MARCHF1: variants seen among roughly 807,000 people sequenced by gnomAD.
MARCHF1 encodes membrane associated ring-CH-type finger 1, also known as E3 ubiquitin-protein ligase MARCHF1.
MARCHF1 carries 40 observed loss-of-function variants against 54.2 expected under a neutral mutation model. That is an observed-to-expected ratio of 0.74 (90% CI 0.57 to 0.96). MARCHF1 has a LOEUF of 0.96. MARCHF1 is among the 40% of genes least tolerant of loss of function. MARCHF1 has a pLI of 0.00. For synonymous variants in MARCHF1, 236 were observed against 236.3 expected (o/e 1.00, Z 0.01); for missense variants, 586 against 656.5 (o/e 0.89, Z 1.17).
chr4:164,213,684 A>T (rs1258983505), intron 1 of MARCHF1, among the ~76,000 whole-genome samples: 1 of 152,172 alleles, frequency 6.6e-6, no homozygotes, highest in Non-Finnish European at 1.5e-5. Context: ...TTTAAAATGT[A>T]TCTATTATAA....
chr4:164,205,728 T>TAA (rs557433360), intron 1 of MARCHF1, among the ~76,000 whole-genome samples: 5 of 147,800 alleles, frequency 3.4e-5, no homozygotes, highest in African/African-American at 1.2e-4. Flanking sequence ...GTTGTCTATT[T>TAA]AAAAAAAAAA....
intron 1 of MARCHF1, among the ~76,000 whole-genome samples, chr4:164,262,660 C>G (rs1302589210): frequency 6.6e-6 from 1 of 152,200 alleles, no homozygotes; most frequent in Non-Finnish European, 1.5e-5. Context: ...GAGTCACTCA[C>G]TTAAATGGTT....
chr4:164,041,881 G>A (rs967051277), intron 2 of MARCHF1, among the ~76,000 whole-genome samples: 2 of 152,018 alleles, frequency 1.3e-5, no homozygotes, highest in Non-Finnish European at 2.9e-5. Flanking sequence ...AGAACACTAA[G>A]TAATCTCATT....
Position 164,007,301 on chromosome 4 carries a change from G to A in MARCHF1, c.-247-18592C>T, listed in dbSNP as rs193228094. On this transcript the variant is annotated intron_variant, in intron 2 of 9. Transcript: ENST00000514618. Reference sequence around the variant, plus strand: ...GCAGATCTGGCAGTGAGCTGAGATCGTGCTACTGCACTCCAGCCTGGGCGA... The same window carrying A: ...GCAGATCTGGCAGTGAGCTGAGATCATGCTACTGCACTCCAGCCTGGGCGA... 6.1e-3 allele frequency among the ~76,000 whole-genome samples: 836 copies of A among 136,232 alleles called. 6 individuals are homozygous for A. Among genetic ancestry groups the A allele is most frequent in the African/African-American group, 0.022 (777 of 35,808 alleles). The allele number at this position is 136,232 out of a possible 152,430, so 89.4% of individuals were successfully genotyped here.
intron 5 of MARCHF1, among the ~76,000 whole-genome samples, chr4:163,674,155 T>G (rs545980056): frequency 1.3e-5 from 2 of 152,240 alleles, no homozygotes; most frequent in East Asian, 3.9e-4. Flanking sequence ...TGGAAGATAG[T>G]TATTTATGAA....
intron 1 of MARCHF1, among the ~76,000 whole-genome samples, chr4:164,332,439 T>C (rs537956763): frequency 2.6e-5 from 4 of 152,316 alleles, no homozygotes; most frequent in Middle Eastern, 3.4e-3. Flanking sequence ...TCTGAGAGAA[T>C]AGAATATTGT....
intron 3 of MARCHF1, among the ~76,000 whole-genome samples, chr4:163,891,617 C>T (rs1277189300): frequency 6.6e-6 from 1 of 152,108 alleles, no homozygotes; most frequent in Non-Finnish European, 1.5e-5. Flanking sequence ...CTTTCTGATG[C>T]ATTCCCATCA....
Position 164,018,062 on chromosome 4 carries a change from A to AT in MARCHF1, c.-247-29354dup, listed in dbSNP as rs557050914. On this transcript the variant is annotated intron_variant, in intron 2 of 9. Coordinates refer to ENST00000514618, the MANE Select transcript of MARCHF1 (RefSeq NM_001394959.1). Reference sequence around the variant, plus strand: ...GATAATTCATCAAAAATAATTATATATTTTTTAAACCAAATGATCTGGTAA... The same window carrying AT: ...GATAATTCATCAAAAATAATTATATATTTTTTTAAACCAAATGATCTGGTAA... Among the ~76,000 whole-genome samples, 96 of 152,060 alleles carry AT rather than the reference A, an allele frequency of 6.3e-4. 1 individual carries two copies. The Middle Eastern group carries it at 0.01, about 16-fold the overall frequency.
chr4:164,341,278 A>C (rs1243261215), intron 1 of MARCHF1, among the ~76,000 whole-genome samples: 1 of 105,312 alleles, frequency 9.5e-6, no homozygotes, highest in Non-Finnish European at 2.1e-5. Flanking sequence ...AAAAGCAAAA[A>C]CAAAAAAAAA....
intron 8 of MARCHF1, among the ~76,000 whole-genome samples, chr4:163,571,233 C>G (rs1319647977): frequency 6.6e-6 from 1 of 152,034 alleles, no homozygotes; most frequent in Non-Finnish European, 1.5e-5. Context: ...GAATTATTCC[C>G]CATACCACTT....
At chr4:164,170,263 G>A (rs569409709) in intron 1 of MARCHF1, among the ~76,000 whole-genome samples, 214 of 152,156 alleles carry the variant, frequency 1.4e-3, no homozygotes, top group Non-Finnish European at 2.4e-3. Context: ...TGGACACAGA[G>A]CTTTAGCATA....
chr4:164,296,912 A>G (rs72989570), intron 1 of MARCHF1, among the ~76,000 whole-genome samples: 6,998 of 152,284 alleles, frequency 0.046, 446 homozygotes, highest in African/African-American at 0.14. Context: ...TGGGATATCT[A>G]TCAAGGAGGT....
At chr4:164,244,630 A>G (rs939395257) in intron 1 of MARCHF1, among the ~76,000 whole-genome samples, 3 of 149,308 alleles carry the variant, frequency 2.0e-5, no homozygotes, top group African/African-American at 7.4e-5. Context: ...AAGGAAATAG[A>G]GACACAAAAA....
chr4:163,589,164 T>C (rs1470668878), intron 7 of MARCHF1, among the ~76,000 whole-genome samples: 4 of 152,090 alleles, frequency 2.6e-5, no homozygotes, highest in Non-Finnish European at 5.9e-5. Flanking sequence ...AAAAAGATTT[T>C]GCAGCTCTGA....
chr4:164,103,778 A>T (rs879778816), intron 2 of MARCHF1, among the ~76,000 whole-genome samples: 1,225 of 103,222 alleles, frequency 0.012, 4 homozygotes, highest in Middle Eastern at 0.023. Context: ...AGCAGAACTG[A>T]AGGAAATAGA....
chr4:164,054,506 C>T (rs1754445040), intron 2 of MARCHF1, among the ~76,000 whole-genome samples: 1 of 152,010 alleles, frequency 6.6e-6, no homozygotes, highest in African/African-American at 2.4e-5. Flanking sequence ...TTCACGATAG[C>T]AAAGACTTGG....
chr4:163,639,945 A>T (rs1440322965), intron 5 of MARCHF1, among the ~76,000 whole-genome samples: 3 of 152,096 alleles, frequency 2.0e-5, no homozygotes, highest in Non-Finnish European at 4.4e-5. Flanking sequence ...TGTTCTTTGG[A>T]CTGATTCCAA....
chr4:164,040,379 T>C (rs929020300), intron 2 of MARCHF1, among the ~76,000 whole-genome samples: 2 of 146,274 alleles, frequency 1.4e-5, no homozygotes, highest in Non-Finnish European at 3.0e-5. Context: ...ACATATTCTA[T>C]ATAAGTATTT....
chr4:164,274,628 A>G (rs945712212), intron 1 of MARCHF1, among the ~76,000 whole-genome samples: 1 of 129,246 alleles, frequency 7.7e-6, no homozygotes, highest in African/African-American at 2.9e-5. Context: ...TATGAACTCT[A>G]CCTGTCGCTT....
Sources: allele counts gnomAD v4.1 joint callset (sites outside exome capture counted in the v4.1 genomes callset), GRCh38; gene constraint gnomAD v4.1.1; transcripts MANE v1.5; gene names NCBI Gene and HGNC (gene_info 2026-07-23, HGNC 2026-07-21).